The following APBA2 variants were observed in gnomAD, a reference collection of about 807,000 sequenced individuals.
APBA2 encodes the protein amyloid beta precursor protein binding family A member 2.
Under a neutral mutation model 75.0 loss-of-function variants are expected in APBA2, and 30 were observed. The ratio of observed to expected loss-of-function variants is 0.40; its 90% CI spans 0.30 to 0.54. The LOEUF is 0.54. Ranked by LOEUF, APBA2 falls within the 20% of genes least tolerant of loss-of-function variation. The probability of loss-of-function intolerance (pLI) is 0.49; values close to 1 mark genes in which losing one functional copy is unlikely to be tolerated. For missense variants in APBA2, 801 were observed against 1,016.1 expected (o/e 0.79, Z 2.88); for synonymous variants, 444 against 409.6 (o/e 1.08, Z -1.01).
chr15:28,971,245 A>AG (rs2037051737), intron 2 of APBA2, among the ~76,000 whole-genome samples: 2 of 152,066 alleles, frequency 1.3e-5, no homozygotes, highest in South Asian at 2.1e-4. Context: ...CGATTGGATA[A>AG]GGGGGGATCC....
chr15:29,094,405 G>C (rs2043745350), intron 8 of APBA2, 92 bp downstream of exon 8: 2 of 1,238,062 alleles, frequency 1.6e-6, no homozygotes, highest in Admixed American at 3.4e-5. Flanking sequence ...TTCCCCTGGG[G>C]ATCTAAATAA....
At chr15:29,082,905 A>G (rs1238345245) in intron 6 of APBA2, among the ~76,000 whole-genome samples, 1 of 152,088 alleles carries the variant, frequency 6.6e-6, no homozygotes. Context: ...TACTAACAGT[A>G]CAAAAAATAA....
chr15:29,113,693 TC>T (rs2044870756), intron 13 of APBA2, among the ~76,000 whole-genome samples, 182 bp from the exon 14 acceptor site: 1 of 152,132 alleles, frequency 6.6e-6, no homozygotes, highest in Non-Finnish European at 1.5e-5. Context: ...TGGCATTAAC[TC>T]TCTTGTTTTA....
chr15:29,038,822 C>T (rs1021991572), intron 3 of APBA2, among the ~76,000 whole-genome samples: 2 of 151,434 alleles, frequency 1.3e-5, no homozygotes, highest in South Asian at 2.1e-4. Flanking sequence ...TACAGGTGTG[C>T]GCCACCACAC....
intron 8 of APBA2, among the ~76,000 whole-genome samples, chr15:29,096,768 G>A (rs572548601): frequency 1.3e-5 from 2 of 152,312 alleles, no homozygotes; most frequent in Admixed American, 1.3e-4. Flanking sequence ...TTAAATCATA[G>A]TTTTTGCTGT....
At chr15:28,980,473 C>T (rs1418451739) in intron 2 of APBA2, among the ~76,000 whole-genome samples, 4 of 152,088 alleles carry the variant, frequency 2.6e-5, no homozygotes, top group Admixed American at 2.6e-4. Flanking sequence ...GAACACAATC[C>T]CATTTACAAT....
intron 2 of APBA2, among the ~76,000 whole-genome samples, chr15:28,984,641 C>G (rs1189728199): frequency 6.6e-6 from 1 of 151,908 alleles, no homozygotes; most frequent in Non-Finnish European, 1.5e-5. Context: ...GTGTCCCCCA[C>G]TGCCATCTCT....
intron 3 of APBA2, among the ~76,000 whole-genome samples, chr15:29,022,944 T>C (rs2040025282): frequency 6.6e-6 from 1 of 152,240 alleles, no homozygotes; most frequent in South Asian, 2.1e-4. Context: ...TTTATAGTTT[T>C]GTTGCTATTG....
At chr15:29,074,563 G>T (rs1175005161) in intron 4 of APBA2, among the ~76,000 whole-genome samples, 1 of 152,152 alleles carries the variant, frequency 6.6e-6, no homozygotes, top group Non-Finnish European at 1.5e-5. Flanking sequence ...TTGGGAAGAG[G>T]AAGACATTCT....
chr15:28,917,080 C>A (rs2152661701), intron 1 of APBA2, among the ~76,000 whole-genome samples: 1 of 152,232 alleles, frequency 6.6e-6, no homozygotes, highest in African/African-American at 2.4e-5. Context: ...CTCTCTGAGG[C>A]CATGAGGTGG....
intron 1 of APBA2, among the ~76,000 whole-genome samples, chr15:28,897,636 A>G (rs546919159): frequency 1.1e-3 from 162 of 151,040 alleles, no homozygotes; most frequent in African/African-American, 3.6e-3. Flanking sequence ...AAAAAAAAAA[A>G]AGAGAAAAAG....
intron 1 of APBA2, among the ~76,000 whole-genome samples, chr15:28,912,583 A>G (rs1260823824): frequency 6.6e-6 from 1 of 152,206 alleles, no homozygotes; most frequent in Non-Finnish European, 1.5e-5. Flanking sequence ...CCTGGTTGTT[A>G]CAGGATGTTA....
chr15:28,923,560 G>A (rs1447190946), intron 2 of APBA2, among the ~76,000 whole-genome samples: 1 of 138,520 alleles, frequency 7.2e-6, no homozygotes, highest in Non-Finnish European at 1.6e-5. Flanking sequence ...GGTGGGTGCT[G>A]AGTCTGGGGG....
chr15:29,022,384 T>C (rs914152837), intron 3 of APBA2, among the ~76,000 whole-genome samples: 2 of 152,244 alleles, frequency 1.3e-5, no homozygotes, highest in African/African-American at 4.8e-5. Flanking sequence ...TTTTCCTTGA[T>C]GATTTTTTAT....
rs532737893 is a variant in APBA2 at position 29,049,258 on chromosome 15, G to C, written c.-40-4587G>C. ...ACCTGGGCATCAGGGTTTTCAATGG[G>C]TAACAAAACTTGAAAATCACTGGGG... On this transcript the variant is annotated intron_variant, in intron 3 of 14. Transcript: ENST00000683413. Among the ~76,000 whole-genome samples, 7 of 152,308 alleles carry C rather than the reference G, an allele frequency of 4.6e-5. No homozygotes were observed. The South Asian group carries it at 1.5e-3, about 32-fold the overall frequency.
At chr15:29,088,364 C>T (rs1055226697) in intron 6 of APBA2, among the ~76,000 whole-genome samples, 23 of 152,228 alleles carry the variant, frequency 1.5e-4, no homozygotes, top group African/African-American at 5.5e-4. Context: ...ACCGGGACTC[C>T]CGAGTCCAGC....
At position 28,991,255 on chromosome 15, in the gene APBA2, T is replaced by TCTCCTGGTCTGGGGGC. The variant is rs2038213534; in HGVS notation, c.-94-4497_-94-4482dup. ...CCCTAAGCCCCACAGTAAAAACGTC[T>TCTCCTGGTCTGGGGGC]CTCCTGGTCTGGGGGCGCATCCATC... On this transcript the variant is annotated intron_variant, in intron 2 of 14. Transcript: ENST00000683413. This position sits in a 1 kb window ranked among gnomAD's most constrained non-coding sequence, Gnocchi z 4.7. 6.6e-6 allele frequency among the ~76,000 whole-genome samples: 1 copy of TCTCCTGGTCTGGGGGC among 152,118 alleles called. No individual in the cohort carries two copies. Among genetic ancestry groups the TCTCCTGGTCTGGGGGC allele is most frequent in the South Asian group, 2.1e-4 (1 of 4,830 alleles).
At chr15:29,108,851 A>G (rs777287274) in intron 13 of APBA2, among the ~76,000 whole-genome samples, 18 of 152,332 alleles carry the variant, frequency 1.2e-4, no homozygotes, top group Non-Finnish European at 4.4e-5. Flanking sequence ...GTACCAGGCA[A>G]TGGGAAGGCA....
intron 2 of APBA2, among the ~76,000 whole-genome samples, chr15:28,984,844 A>C (rs1595647989): frequency 1.8e-5 from 2 of 113,676 alleles, no homozygotes; most frequent in African/African-American, 8.4e-5. Flanking sequence ...AGGTTGGGGG[A>C]GCTGCTCTAT....
Sources: allele counts gnomAD v4.1 joint callset (sites outside exome capture counted in the v4.1 genomes callset), GRCh38; gene constraint gnomAD v4.1.1; non-coding constraint Gnocchi (gnomAD v3.1); transcripts MANE v1.5; gene names NCBI Gene and HGNC (gene_info 2026-07-23, HGNC 2026-07-21).